Variants in SCD5 observed in about 807,000 individuals in gnomAD.
The protein encoded by SCD5 is acyl-CoA-desaturase 4.
In SCD5, 20 loss-of-function variants were observed where a neutral mutation model predicts 30.4. The observed-to-expected ratio is 0.66, with a 90% CI of 0.46 to 0.96. The LOEUF is 0.96. Ranked by LOEUF, SCD5 falls within the 40% of genes least tolerant of loss-of-function variation. The probability of loss-of-function intolerance (pLI) is 0.00; values close to 1 mark genes in which losing one functional copy is unlikely to be tolerated. For missense variants in SCD5, 381 were observed against 443.3 expected, an observed-to-expected ratio of 0.86 and a Z score of 1.26; for synonymous variants, 173 against 176.4, an observed-to-expected ratio of 0.98 and a Z score of 0.16.
rs1404999159 is a variant in SCD5 at position 82,629,917 on chromosome 4, T to C, written c.*1410A>G. On this transcript the variant is annotated 3_prime_UTR_variant, in exon 5 of 5. Coordinates refer to ENST00000319540, the MANE Select transcript of SCD5 (RefSeq NM_001037582.3). ...ATGAAGGCTGCATGCAGGTGAAACA[T>C]TAGTAGACACGGAATTCTAGATAAC... The C allele has an allele frequency of 6.6e-6, 1 of 152,214 alleles. No homozygotes were observed. Among genetic ancestry groups the C allele is most frequent in the African/African-American group, 2.4e-5 (1 of 41,452 alleles). The allele number at this position is 152,214 out of a possible 1,614,324, so 9.4% of individuals were successfully genotyped here.
chr4:82,691,288 A>G (rs778110787), intron 2 of SCD5, among the ~76,000 whole-genome samples: 8 of 152,130 alleles, frequency 5.3e-5, no homozygotes, highest in Non-Finnish European at 1.0e-4. Context: ...GGCTTCCCCA[A>G]GTGTTGGGAT....
intron 1 of SCD5, among the ~76,000 whole-genome samples, chr4:82,722,597 G>A (rs924582934): frequency 6.6e-6 from 1 of 151,528 alleles, no homozygotes; most frequent in African/African-American, 2.4e-5. Context: ...AACACTAGGT[G>A]TCTACTAAAA....
chr4:82,702,730 AC>A (rs965405434), intron 2 of SCD5, among the ~76,000 whole-genome samples: 33 of 152,208 alleles, frequency 2.2e-4, no homozygotes, highest in African/African-American at 7.9e-4. Context: ...ATCTTTAAAA[AC>A]CCATGGATTA....
intron 3 of SCD5, among the ~76,000 whole-genome samples, chr4:82,675,394 G>C (rs1291739809): frequency 1.3e-5 from 2 of 152,110 alleles, no homozygotes; most frequent in Non-Finnish European, 2.9e-5. Flanking sequence ...AACAGACTAG[G>C]GGATGAATTG....
At chr4:82,700,110 G>A (rs989729683) in intron 2 of SCD5, among the ~76,000 whole-genome samples, 24 of 152,062 alleles carry the variant, frequency 1.6e-4, no homozygotes, top group South Asian at 6.3e-4. Flanking sequence ...CCAGCTACTC[G>A]GGTGGCTTAG....
intron 1 of SCD5, among the ~76,000 whole-genome samples, chr4:82,711,189 C>T (rs1354401154): frequency 6.6e-6 from 1 of 152,126 alleles, no homozygotes; most frequent in African/African-American, 2.4e-5. Flanking sequence ...AAGATCCCCC[C>T]CCCGATAACC....
intron 3 of SCD5, among the ~76,000 whole-genome samples, chr4:82,674,106 C>T (rs183623857): frequency 3.3e-5 from 5 of 152,154 alleles, no homozygotes; most frequent in Admixed American, 3.3e-4. Context: ...TTATATATGA[C>T]ATCAAAGGGC....
intron 2 of SCD5, among the ~76,000 whole-genome samples, chr4:82,693,277 A>T (rs1719606033): frequency 6.6e-6 from 1 of 152,118 alleles, no homozygotes; most frequent in Non-Finnish European, 1.5e-5. Context: ...CCTAGCTTCT[A>T]GGCTGGCCTC....
chr4:82,798,759 T>G lies in SCD5; in HGVS notation c.-222A>C. The G allele has an allele frequency of 3.8e-6, 2 of 522,014 alleles. No homozygotes were observed. The allele number at this position is 522,014 out of a possible 1,614,324, so 32.3% of individuals were successfully genotyped here. A position where few individuals can be genotyped will look rare whatever the true frequency, so the allele number is the denominator to read the frequency against. ...GCGGCCGGCGTCTGTTGCTGGCGTA[T>G]CCCCCATATGGCTGCCCGGGCTGAA... On this transcript the variant is annotated 5_prime_UTR_variant, in exon 1 of 5. Transcript: ENST00000319540.
intron 1 of SCD5, 89 bp from the exon 2 acceptor site, chr4:82,705,502 C>A (rs997499499): frequency 6.6e-7 from 1 of 1,518,564 alleles, no homozygotes; most frequent in Non-Finnish European, 8.9e-7. Flanking sequence ...CAGGGACACA[C>A]GTGAAATGGT....
intron 1 of SCD5, among the ~76,000 whole-genome samples, chr4:82,733,196 G>A (rs1368302574): frequency 1.3e-5 from 2 of 152,096 alleles, no homozygotes; most frequent in Non-Finnish European, 2.9e-5. Context: ...AACAGGTCAG[G>A]CTCTCCACGC....
chr4:82,706,666 A>T (rs1342049200), intron 1 of SCD5, among the ~76,000 whole-genome samples: 5 of 152,256 alleles, frequency 3.3e-5, no homozygotes, highest in Non-Finnish European at 7.3e-5. Context: ...AAGATTACAT[A>T]TTACCAAGCT....
chr4:82,784,913 A>G (rs907312785), intron 1 of SCD5, among the ~76,000 whole-genome samples: 1 of 152,222 alleles, frequency 6.6e-6, no homozygotes, highest in African/African-American at 2.4e-5. Context: ...TGGCGATTCC[A>G]GGAGTACCAG....
intron 3 of SCD5, chr4:82,660,746 C>A (rs1305497454): frequency 1.9e-5 from 28 of 1,499,004 alleles, no homozygotes; most frequent in Non-Finnish European, 2.3e-5. Context: ...CAATAAATAA[C>A]CTAATGTTAG....
chr4:82,793,964 A>G (rs917799011), intron 1 of SCD5, among the ~76,000 whole-genome samples: 2 of 152,150 alleles, frequency 1.3e-5, no homozygotes, highest in Non-Finnish European at 2.9e-5. Flanking sequence ...GCACAACCCA[A>G]TGAAGACATC....
At chr4:82,662,292 A>G (rs1011468484) in intron 3 of SCD5, among the ~76,000 whole-genome samples, 5 of 152,114 alleles carry the variant, frequency 3.3e-5, no homozygotes, top group Non-Finnish European at 5.9e-5. Context: ...GCTTAAAGCA[A>G]TTCTCTCACC....
intron 1 of SCD5, 106 bp downstream of exon 1, chr4:82,798,200 G>C: frequency 8.9e-7 from 1 of 1,121,058 alleles, no homozygotes. Flanking sequence ...GGGAGACCGG[G>C]GGTCGCTGCG....
At chr4:82,646,228 T>A (rs1435394742) in intron 3 of SCD5, among the ~76,000 whole-genome samples, 1 of 152,244 alleles carries the variant, frequency 6.6e-6, no homozygotes, top group Non-Finnish European at 1.5e-5. Context: ...TCATTTTCCC[T>A]ACAATTTTTG....
chr4:82,639,021 C>A (rs760274898), intron 3 of SCD5, among the ~76,000 whole-genome samples: 2 of 152,204 alleles, frequency 1.3e-5, no homozygotes, highest in Non-Finnish European at 2.9e-5. Flanking sequence ...CAAATTCAGG[C>A]AGAGTCACTT....
Sources: gnomAD v4.1 joint callset for allele counts (sites outside exome capture counted in the v4.1 genomes callset) on GRCh38, gnomAD v4.1.1 for gene constraint, MANE v1.5 for transcripts, NCBI Gene and HGNC (gene_info 2026-07-23, HGNC 2026-07-21) for gene names.